The following SLC30A4 variants were observed in gnomAD, a reference collection of about 807,000 sequenced individuals.
SLC30A4 encodes solute carrier family 30 member 4, also known as probable proton-coupled zinc antiporter SLC30A4.
A neutral mutation model predicts 41.7 loss-of-function variants in SLC30A4; 20 were observed. That is an observed-to-expected ratio of 0.48 (90% confidence interval 0.34 to 0.70). The LOEUF (loss-of-function observed/expected upper bound fraction) is 0.70. Among genes scored for constraint, SLC30A4 ranks in the 30% least tolerant of loss-of-function variants. The pLI is 0.01. For missense variants in SLC30A4, 441 were observed against 529.3 expected, an observed-to-expected ratio of 0.83 and a Z score of 1.64; for synonymous variants, 181 against 195.9, an observed-to-expected ratio of 0.92 and a Z score of 0.64.
chr15:45,510,455 C>A (rs762347529), intron 3 of SLC30A4, among the ~76,000 whole-genome samples: 1 of 152,166 alleles, frequency 6.6e-6, no homozygotes, highest in Non-Finnish European at 1.5e-5. Context: ...GCTGAAGCTA[C>A]TTAAATGTCA....
intron 3 of SLC30A4, among the ~76,000 whole-genome samples, chr15:45,498,364 G>A (rs1024884375): frequency 1.3e-5 from 2 of 152,100 alleles, no homozygotes; most frequent in Non-Finnish European, 2.9e-5. Context: ...TTCAAAATTC[G>A]AAATGCTCCA....
chr15:45,516,698 G>A (rs904077712), intron 2 of SLC30A4, among the ~76,000 whole-genome samples: 34 of 152,188 alleles, frequency 2.2e-4, no homozygotes, highest in African/African-American at 6.5e-4. Context: ...TTGAAACTCC[G>A]TCTCTACTAA....
intron 7 of SLC30A4, among the ~76,000 whole-genome samples, chr15:45,486,408 AT>A (rs1463997934): frequency 1.3e-5 from 2 of 152,196 alleles, no homozygotes; most frequent in African/African-American, 4.8e-5. Flanking sequence ...TCTGGTATCA[AT>A]ACTGACCTGC....
At chr15:45,491,921 T>C (rs1190620411) in intron 3 of SLC30A4, among the ~76,000 whole-genome samples, 1 of 151,680 alleles carries the variant, frequency 6.6e-6, no homozygotes, top group Admixed American at 6.6e-5. Context: ...TCAAAATCAG[T>C]CATAATAAAT....
chr15:45,518,021 T>G (rs966658987), intron 2 of SLC30A4, among the ~76,000 whole-genome samples: 2 of 152,178 alleles, frequency 1.3e-5, no homozygotes, highest in African/African-American at 4.8e-5. Flanking sequence ...AAAACTACAC[T>G]CATCTAACAT....
chr15:45,493,523 G>A (rs1284009221), intron 3 of SLC30A4, among the ~76,000 whole-genome samples: 2 of 151,934 alleles, frequency 1.3e-5, no homozygotes, highest in Non-Finnish European at 2.9e-5. Context: ...GACACCTAAT[G>A]TAGTTAAAAC....
At chr15:45,493,056 G>T (rs1891841395) in intron 3 of SLC30A4, among the ~76,000 whole-genome samples, 1 of 152,068 alleles carries the variant, frequency 6.6e-6, no homozygotes, top group African/African-American at 2.4e-5. Context: ...CGGATCACCT[G>T]AGGTCAGGAT....
At chr15:45,506,417 AG>A (rs1249929905) in intron 3 of SLC30A4, among the ~76,000 whole-genome samples, 7 of 152,260 alleles carry the variant, frequency 4.6e-5, no homozygotes, top group Non-Finnish European at 8.8e-5. Context: ...TGAATCTCCA[AG>A]TCTGGAATTA....
At position 45,522,078 on chromosome 15, in the gene SLC30A4, C is replaced by T; in HGVS notation, c.277G>A (p.Asp93Asn). The stretch of plus-strand genomic sequence containing the variant: ...TGTTTGCTGCAGTTGTCACAGGAGT[C>T]CACCTTCAAACTCAGCTGACTGTTG... ...LTNSQLSLKV[D>N]SCDNCSKQRE... is the part of the protein sequence containing the mutation. The change falls in exon 2 of 8, where the codon GAC becomes AAC. Residue 93 changes from aspartate (D) to asparagine (N), a missense_variant. Transcript: ENST00000261867. 6.2e-7 allele frequency: 1 copy of T among 1,614,200 alleles called. No homozygotes were observed. Among genetic ancestry groups the T allele is most frequent in the East Asian group, 2.2e-5 (1 of 44,888 alleles).
intron 4 of SLC30A4, among the ~76,000 whole-genome samples, chr15:45,489,466 A>C (rs917809703): frequency 2.0e-5 from 3 of 151,906 alleles, no homozygotes; most frequent in Non-Finnish European, 4.4e-5. Flanking sequence ...AAAGGCCCCA[A>C]CATGAAAATG....
intron 2 of SLC30A4, among the ~76,000 whole-genome samples, chr15:45,513,201 C>CTTT (rs539115300): frequency 2.3e-5 from 3 of 130,150 alleles, no homozygotes; most frequent in East Asian, 4.4e-4. Context: ...ATTAATTAAA[C>CTTT]TTTTTTTTTT....
Position 45,486,682 on chromosome 15 carries a change from T to A in SLC30A4, c.1064A>T (p.Tyr355Phe). The A allele has an allele frequency of 6.3e-7, 1 of 1,599,902 alleles. No individual in the cohort carries two copies. The highest frequency in any genetic ancestry group is 1.7e-4 in the Middle Eastern group (1 of 6,044). Reference protein sequence around the residue: ...KEALMKIEDVYSVEDLNIWSL... With the variant: ...KEALMKIEDVFSVEDLNIWSL... ...CCAGATATTTAAATCTTCGACTGAA[T>A]ATACATCTTCTATTTTCATCAAGGC... The change falls in exon 7 of 8, where the codon TAT becomes TTT. Residue 355 changes from tyrosine to phenylalanine, a missense_variant. By Grantham distance (22) the Tyr-to-Phe change is conservative (BLOSUM62 3). Around this residue, in one of 3 missense-constraint regions of SLC30A4, gnomAD observed 100 missense variants for 121.0 expected, o/e 0.83. Coordinates refer to ENST00000261867, the MANE Select transcript of SLC30A4 (RefSeq NM_013309.6).
At position 45,481,930 on chromosome 15, in the gene SLC30A4, G is replaced by A. The variant is rs1891607290; in HGVS notation, c.*3233C>T. ...AACACGATAGTTAAGATTTACAGAA[G>A]TTTTCATGGCTGGGTGCGGTAGCTC... On this transcript the variant is annotated 3_prime_UTR_variant, in exon 8 of 8. Transcript: ENST00000261867. 1 of 151,744 alleles carries A rather than the reference G, an allele frequency of 6.6e-6. No homozygotes were observed. Among genetic ancestry groups the A allele is most frequent in the Admixed American group, 6.6e-5 (1 of 15,186 alleles). 9.4% of individuals were successfully genotyped at this position (151,744 alleles called of 1,614,324 possible). A position where few individuals can be genotyped will look rare whatever the true frequency, so the allele number is the denominator to read the frequency against.
rs1355898113 is a variant in SLC30A4 at position 45,511,144 on chromosome 15, G to A, written c.532C>T (p.Arg178Cys). 3.1e-6 allele frequency: 5 copies of A among 1,612,756 alleles called. No individual in the cohort carries two copies. Among genetic ancestry groups the A allele is most frequent in the Non-Finnish European group, 3.4e-6 (4 of 1,179,294 alleles). ...PTKRFTFGFHRLEVLSAMISV... is the reference protein window; with the variant it reads ...PTKRFTFGFHCLEVLSAMISV... The stretch of plus-strand genomic sequence containing the variant: ...AGAAACACCAACTACCTACCTAAGC[G>A]ATGAAATCCAAAGGTGAATCTTTTG... Residue 178 changes from arginine (R) to cysteine (C), a missense_variant, in exon 3 of 8, where the codon CGC becomes TGC. Physicochemically the swap from Arg to Cys is radical, Grantham distance 180 (BLOSUM62 -3). This residue lies in a region of SLC30A4 where 312 missense variants were observed against 341.9 expected (regional missense o/e 0.91). Transcript: ENST00000261867.
At position 45,482,606 on chromosome 15, in the gene SLC30A4, T is replaced by C. The variant is rs1165999097; in HGVS notation, c.*2557A>G. 6.6e-6 allele frequency: 1 copy of C among 152,142 alleles called. No homozygotes were observed. The highest frequency in any genetic ancestry group is 1.5e-5 in the Non-Finnish European group (1 of 68,026). The allele number at this position is 152,142 out of a possible 1,614,324, so 9.4% of individuals were successfully genotyped here. On this transcript the variant is annotated 3_prime_UTR_variant, in exon 8 of 8. Coordinates refer to ENST00000261867, the MANE Select transcript of SLC30A4 (RefSeq NM_013309.6). ...TGATGAATATTTTTTTCCTTTCTACTTGCTAGATACTCAAAGTCCATAAAT... is the reference window on the plus strand; with the variant it reads ...TGATGAATATTTTTTTCCTTTCTACCTGCTAGATACTCAAAGTCCATAAAT...
intron 3 of SLC30A4, among the ~76,000 whole-genome samples, chr15:45,498,651 G>A (rs1157738058): frequency 3.9e-5 from 6 of 152,072 alleles, no homozygotes; most frequent in African/African-American, 1.2e-4. Flanking sequence ...TAGCTATCCA[G>A]CGTGGACTAC....
At position 45,490,910 on chromosome 15, in the gene SLC30A4, C is replaced by A. The variant is rs776087203; in HGVS notation, c.539-29G>T. 10 of 1,474,058 alleles carry A rather than the reference C, an allele frequency of 6.8e-6. No individual in the cohort carries two copies. The East Asian group carries it at 1.6e-4, about 24-fold the overall frequency. 91.3% of individuals were successfully genotyped at this position (1,474,058 alleles called of 1,614,324 possible). ...GAGGGAAAAACACATATAACAAATACATTTTCAGCATGGTTACTACACTTC... is the reference window on the plus strand; with the variant it reads ...GAGGGAAAAACACATATAACAAATAAATTTTCAGCATGGTTACTACACTTC... On this transcript the variant is annotated intron_variant, in intron 3 of 7. Coordinates refer to ENST00000261867, the MANE Select transcript of SLC30A4 (RefSeq NM_013309.6).
At chr15:45,487,997 G>A (rs1178665584) in intron 5 of SLC30A4, among the ~76,000 whole-genome samples, 9 of 149,756 alleles carry the variant, frequency 6.0e-5, no homozygotes, top group Admixed American at 5.3e-4. Flanking sequence ...GTGTGTGTGT[G>A]TGTGTTGCCC....
At chr15:45,507,914 T>C (rs1892194940) in intron 3 of SLC30A4, among the ~76,000 whole-genome samples, 1 of 152,292 alleles carries the variant, frequency 6.6e-6, no homozygotes, top group Non-Finnish European at 1.5e-5. Flanking sequence ...TGTCTATTCA[T>C]ACTTAGGGCA....
Sources: gnomAD v4.1 joint callset for allele counts (sites outside exome capture counted in the v4.1 genomes callset) on GRCh38, gnomAD v4.1.1 for gene constraint, gnomAD v4.1.1 regional missense constraint, MANE v1.5 for transcripts, NCBI Gene and HGNC (gene_info 2026-07-23, HGNC 2026-07-21) for gene names.